TSHZ2: variants seen among roughly 807,000 people sequenced by gnomAD.
The protein encoded by TSHZ2 is teashirt homolog 2.
In TSHZ2, 21 loss-of-function variants were observed where a neutral mutation model predicts 74.4. That is an observed-to-expected ratio of 0.28 (90% CI 0.20 to 0.41). The LOEUF (loss-of-function observed/expected upper bound fraction) is 0.41, where lower values mean the gene tolerates loss of function less well. TSHZ2 is among the 10% of genes least tolerant of loss of function. TSHZ2 has a pLI of 1.00. For synonymous variants in TSHZ2, 540 were observed against 515.3 expected (o/e 1.05, Z -0.65); for missense variants, 1,244 against 1,293.5 (o/e 0.96, Z 0.59).
chr20:53,183,030 A>G (rs747330283), intron 1 of TSHZ2, among the ~76,000 whole-genome samples: 1 of 152,162 alleles, frequency 6.6e-6, no homozygotes, highest in African/African-American at 2.4e-5. Context: ...GTACTGAGCA[A>G]AAGACATGCA....
At chr20:53,050,359 T>A (rs560536455) in intron 1 of TSHZ2, among the ~76,000 whole-genome samples, 3 of 152,118 alleles carry the variant, frequency 2.0e-5, no homozygotes, top group African/African-American at 7.2e-5. Context: ...CCCTTTTCAA[T>A]GATGAGGTTA....
At chr20:53,462,933 A>G (rs898037456) in intron 2 of TSHZ2, among the ~76,000 whole-genome samples, 8 of 152,220 alleles carry the variant, frequency 5.3e-5, no homozygotes, top group African/African-American at 1.9e-4. Flanking sequence ...ACCCTTCTGC[A>G]TAATGGTCAT....
At chr20:53,296,072 C>G (rs1051402068) in intron 2 of TSHZ2, among the ~76,000 whole-genome samples, 2 of 149,076 alleles carry the variant, frequency 1.3e-5, no homozygotes, top group African/African-American at 4.9e-5. Context: ...CAGTTTGATG[C>G]ATATTATTCT....
intron 1 of TSHZ2, among the ~76,000 whole-genome samples, chr20:53,137,372 G>A (rs866326912): frequency 1.6e-4 from 24 of 146,394 alleles, no homozygotes; most frequent in Middle Eastern, 3.6e-3. Context: ...TGCTGGCTCC[G>A]TCACCAAGAA....
At chr20:53,028,487 G>A (rs1983528210) in intron 1 of TSHZ2, among the ~76,000 whole-genome samples, 1 of 152,248 alleles carries the variant, frequency 6.6e-6, no homozygotes, top group Non-Finnish European at 1.5e-5. Context: ...TGTTGGTTGG[G>A]AATCTATTTC....
At chr20:53,205,473 A>G (rs1989144794) in intron 1 of TSHZ2, among the ~76,000 whole-genome samples, 1 of 152,212 alleles carries the variant, frequency 6.6e-6, no homozygotes. Flanking sequence ...AACACATTTG[A>G]TATGCACAAA....
At chr20:53,144,154 C>G (rs945418351) in intron 1 of TSHZ2, among the ~76,000 whole-genome samples, 1 of 152,114 alleles carries the variant, frequency 6.6e-6, no homozygotes, top group African/African-American at 2.4e-5. Flanking sequence ...TTAGGTTTTA[C>G]AATAGTGATG....
At chr20:53,343,359 C>T (rs1476872939) in intron 2 of TSHZ2, among the ~76,000 whole-genome samples, 7 of 152,114 alleles carry the variant, frequency 4.6e-5, no homozygotes, top group South Asian at 2.1e-4. Flanking sequence ...CCTTTCTTTC[C>T]GGAACAAACA....
At chr20:53,157,553 C>G (rs564005322) in intron 1 of TSHZ2, among the ~76,000 whole-genome samples, 24 of 152,050 alleles carry the variant, frequency 1.6e-4, no homozygotes, top group African/African-American at 5.8e-4. Flanking sequence ...ACTACAGGTG[C>G]GCACTACCAT....
At chr20:53,108,810 G>A (rs1986451275) in intron 1 of TSHZ2, among the ~76,000 whole-genome samples, 2 of 152,172 alleles carry the variant, frequency 1.3e-5, no homozygotes, top group African/African-American at 4.8e-5. Flanking sequence ...CATCCAATGT[G>A]ATTTATTTAA....
At chr20:53,358,614 G>C (rs1980939579) in intron 2 of TSHZ2, among the ~76,000 whole-genome samples, 2 of 151,860 alleles carry the variant, frequency 1.3e-5, no homozygotes, top group East Asian at 3.9e-4. Context: ...CAAAGTGCTG[G>C]GATTACAGGC....
At chr20:53,478,406 G>A (rs192447716) in intron 2 of TSHZ2, among the ~76,000 whole-genome samples, 11,256 of 150,944 alleles carry the variant, frequency 0.075, 521 homozygotes, top group South Asian at 0.23. Context: ...GTAAACTATC[G>A]CAAGAACAAA....
intron 1 of TSHZ2, among the ~76,000 whole-genome samples, chr20:53,080,663 C>T (rs1985504168): frequency 6.6e-6 from 1 of 152,174 alleles, no homozygotes; most frequent in Non-Finnish European, 1.5e-5. Context: ...CTATGAAAAT[C>T]GAATGCCCCT....
At chr20:53,371,420 C>G (rs1050312593) in intron 2 of TSHZ2, among the ~76,000 whole-genome samples, 6 of 152,204 alleles carry the variant, frequency 3.9e-5, no homozygotes, top group African/African-American at 1.4e-4. Flanking sequence ...GTCCTGGCTG[C>G]AAGACCCAGG....
intron 2 of TSHZ2, among the ~76,000 whole-genome samples, chr20:53,436,546 TTA>T (rs1247841429): frequency 7.3e-5 from 5 of 68,922 alleles, no homozygotes; most frequent in African/African-American, 1.3e-4. Flanking sequence ...ATTATTATTA[TTA>T]TTTTTTTTTT....
intron 1 of TSHZ2, among the ~76,000 whole-genome samples, chr20:53,216,012 C>G: frequency 6.6e-6 from 1 of 152,134 alleles, no homozygotes. Flanking sequence ...ATGTCTGATT[C>G]CTCTTCTCCC....
chr20:53,323,251 A>G (rs372735449), intron 2 of TSHZ2, among the ~76,000 whole-genome samples: 143 of 152,340 alleles, frequency 9.4e-4, no homozygotes, highest in Admixed American at 1.2e-3. Flanking sequence ...CCTGAGAGCC[A>G]GAGGCTGGCA....
chr20:53,474,157 C>T (rs368400297), intron 2 of TSHZ2, among the ~76,000 whole-genome samples: 6,698 of 140,460 alleles, frequency 0.048, 174 homozygotes, highest in East Asian at 0.098. Flanking sequence ...ATGCAGAGAA[C>T]GCCACAAAGA....
chr20:53,250,175 A>AC (rs2123712753), intron 1 of TSHZ2, among the ~76,000 whole-genome samples: 1 of 152,164 alleles, frequency 6.6e-6, no homozygotes, highest in South Asian at 2.1e-4. Flanking sequence ...TTGATCTTCG[A>AC]CCCCCAATCA....
Sources: gnomAD v4.1 joint callset for allele counts (sites outside exome capture counted in the v4.1 genomes callset) on GRCh38, gnomAD v4.1.1 for gene constraint, MANE v1.5 for transcripts, NCBI Gene and HGNC (gene_info 2026-07-23, HGNC 2026-07-21) for gene names.